The following DGKH variants were observed in gnomAD, a reference collection of about 807,000 sequenced individuals.
The protein encoded by DGKH is DAG kinase eta.
In DGKH, 90 loss-of-function variants were observed where a neutral mutation model predicts 159.3. The ratio of observed to expected loss-of-function variants is 0.57; its 90% CI spans 0.48 to 0.67. The LOEUF is 0.67. Among genes scored for constraint, DGKH ranks in the 30% least tolerant of loss-of-function variants. The pLI is 0.00. For synonymous variants in DGKH, 536 were observed against 553.8 expected (o/e 0.97, Z 0.45); for missense variants, 1,181 against 1,506.1 (o/e 0.78, Z 3.57).
intron 25 of DGKH, 28 bp downstream of exon 25, chr13:42,214,640 C>A: frequency 6.2e-7 from 1 of 1,601,612 alleles, no homozygotes; most frequent in South Asian, 1.1e-5. Context: ...AATTCTCATT[C>A]CACAGATTCT....
At chr13:42,251,149 G>A (rs1958617283) in intron 29 of DGKH, among the ~76,000 whole-genome samples, 1 of 152,154 alleles carries the variant, frequency 6.6e-6, no homozygotes, top group Admixed American at 6.5e-5. Flanking sequence ...ACCGAGATTA[G>A]TGAAAAATTT....
rs1880992352 is a variant in DGKH at position 42,048,836 on chromosome 13, C to T, written c.63C>T (p.Ala21=). 2.1e-5 allele frequency: 28 copies of T among 1,347,222 alleles called. No individual in the cohort carries two copies. Among genetic ancestry groups the T allele is most frequent in the Admixed American group, 3.9e-5 (1 of 25,764 alleles). 83.5% of individuals were successfully genotyped at this position (1,347,222 alleles called of 1,614,324 possible). A position where few individuals can be genotyped will look rare whatever the true frequency, so the allele number is the denominator to read the frequency against. ...PGAAGGAAAG[A]GAAVTSAAAS... ...CCGCTGGAGGAGCGGCCGCCGGAGC[C>T]GGCGCCGCGGTCACCTCCGCCGCTG... The change falls in exon 1 of 30, where the codon GCC becomes GCT. Residue 21 remains alanine, a synonymous_variant. Transcript: ENST00000337343. This position sits in a 1 kb window ranked among gnomAD's most constrained non-coding sequence, Gnocchi z 6.7.
At chr13:42,135,386 C>T in intron 3 of DGKH, among the ~76,000 whole-genome samples, 1 of 150,100 alleles carries the variant, frequency 6.7e-6, no homozygotes, top group East Asian at 2.0e-4. Flanking sequence ...GTAGTCAAAG[C>T]TACTCAGGAG....
chr13:42,220,018 A>T (rs74818899), intron 28 of DGKH, among the ~76,000 whole-genome samples: 1 of 152,170 alleles, frequency 6.6e-6, no homozygotes, highest in African/African-American at 2.4e-5. Context: ...CCTAAAACAC[A>T]TCTGAGTATC....
chr13:42,200,235 T>G (rs991243989), intron 20 of DGKH, among the ~76,000 whole-genome samples: 1 of 152,210 alleles, frequency 6.6e-6, no homozygotes, highest in Non-Finnish European at 1.5e-5. Flanking sequence ...CTGACCCAAT[T>G]CTGTAATAAC....
chr13:42,192,507 A>G (rs1254206187), intron 16 of DGKH, among the ~76,000 whole-genome samples: 1 of 152,156 alleles, frequency 6.6e-6, no homozygotes, highest in South Asian at 2.1e-4. Flanking sequence ...TGTATCAAAG[A>G]GGACTCTGAC....
intron 16 of DGKH, 27 bp from the exon 17 acceptor site, chr13:42,194,858 T>C (rs748610666): frequency 6.2e-7 from 1 of 1,603,030 alleles, no homozygotes; most frequent in Non-Finnish European, 8.5e-7. Context: ...TCATTATCTC[T>C]TTTTAATCTG....
At chr13:42,193,567 A>G (rs963587057) in intron 16 of DGKH, among the ~76,000 whole-genome samples, 2 of 152,176 alleles carry the variant, frequency 1.3e-5, no homozygotes, top group Non-Finnish European at 2.9e-5. Flanking sequence ...GATTGATGAG[A>G]TGCTTTATTT....
At chr13:42,189,749 G>A (rs961443795) in intron 15 of DGKH, among the ~76,000 whole-genome samples, 2 of 152,006 alleles carry the variant, frequency 1.3e-5, no homozygotes, top group East Asian at 1.9e-4. Context: ...TCACTGCAAC[G>A]TCCACCTCCC....
rs1374566188 is a variant in DGKH at position 42,253,545 on chromosome 13, C to G, written n.4127+1064C>G. ...ATTTTGCTATAGCAGCCTAAATGAA[C>G]TAAGACACTTCAGGTGCTGCCCTTT... On this transcript the variant is annotated intron_variant and non_coding_transcript_variant, in intron 30 of 30. Coordinates refer to the DGKH transcript ENST00000498255. Among the ~76,000 whole-genome samples, 4 of 152,224 alleles carry G rather than the reference C, an allele frequency of 2.6e-5. No homozygotes were observed. The East Asian group carries it at 7.7e-4, about 29-fold the overall frequency.
intron 1 of DGKH, among the ~76,000 whole-genome samples, chr13:42,057,828 G>A (rs1054245189): frequency 2.6e-5 from 4 of 152,156 alleles, no homozygotes; most frequent in Non-Finnish European, 1.5e-5. Flanking sequence ...ATAGAGCATG[G>A]CTGTGAGTGG....
At chr13:42,159,441 T>C in intron 6 of DGKH, 69 bp downstream of exon 6, 1 of 1,116,198 alleles carries the variant, frequency 9.0e-7, no homozygotes, top group Non-Finnish European at 1.4e-6. Flanking sequence ...TTGTGGAAGC[T>C]GAGAAAGATA....
At chr13:42,046,343 T>G (rs894873151), upstream of DGKH, among the ~76,000 whole-genome samples, 1 of 152,198 alleles carries the variant, frequency 6.6e-6, no homozygotes, top group African/African-American at 2.4e-5. Context: ...GAAGGTGAAG[T>G]ACATTGCAGG....
intron 1 of DGKH, among the ~76,000 whole-genome samples, chr13:42,083,931 G>C (rs1304747883): frequency 6.6e-6 from 1 of 152,138 alleles, no homozygotes; most frequent in African/African-American, 2.4e-5. Flanking sequence ...AACGACACGG[G>C]GATGGGCAGC....
chr13:42,256,101 T>A lies in DGKH; in HGVS notation n.4128-183T>A, dbSNP rs919686413. The A allele has an allele frequency of 5.8e-6, 7 of 1,206,116 alleles. No individual in the cohort carries two copies. The East Asian group carries it at 1.6e-4, about 28-fold the overall frequency. The allele number at this position is 1,206,116 out of a possible 1,614,324, so 74.7% of individuals were successfully genotyped here. A position where few individuals can be genotyped will look rare whatever the true frequency, so the allele number is the denominator to read the frequency against. On this transcript the variant is annotated intron_variant and non_coding_transcript_variant, in intron 30 of 30. Transcript: ENST00000498255. Reference sequence around the variant, plus strand: ...CCTGAAAATGAACCAGGAAGTAGTATCATGCCAGGCAAGGTGAACCCTACT... The same window carrying A: ...CCTGAAAATGAACCAGGAAGTAGTAACATGCCAGGCAAGGTGAACCCTACT...
Position 42,127,488 on chromosome 13 carries a change from T to G in DGKH, c.218T>G (p.Leu73Trp), listed in dbSNP as rs1392933212. 6.2e-7 allele frequency: 1 copy of G among 1,613,804 alleles called. No individual in the cohort carries two copies. Among genetic ancestry groups the G allele is most frequent in the Non-Finnish European group, 8.5e-7 (1 of 1,179,760 alleles). The change falls in exon 2 of 30, where the codon TTG becomes TGG. Residue 73 changes from leucine (L) to tryptophan (W), a missense_variant. Physicochemically the swap from Leu to Trp is moderately conservative, Grantham distance 61. Around this residue, in one of 5 missense-constraint regions of DGKH, gnomAD observed 136 missense variants for 132.2 expected, o/e 1.03. Transcript: ENST00000337343. The part of the protein sequence containing the change: ...TKTSIKEGQL[L>W]KQTSSFQRWK... Reference sequence around the variant, plus strand: ...ACCAGTATTAAAGAGGGACAGCTATTGAAGCAAACCAGTTCTTTCCAAAGG... The same window carrying G: ...ACCAGTATTAAAGAGGGACAGCTATGGAAGCAAACCAGTTCTTTCCAAAGG...
chr13:42,065,089 A>C (rs1882464949), intron 1 of DGKH, among the ~76,000 whole-genome samples: 1 of 152,230 alleles, frequency 6.6e-6, no homozygotes, highest in South Asian at 2.1e-4. Flanking sequence ...CGTATTCAGG[A>C]ATCTTGACGT....
intron 1 of DGKH, among the ~76,000 whole-genome samples, chr13:42,064,045 G>A (rs918422195): frequency 2.0e-5 from 3 of 152,106 alleles, no homozygotes; most frequent in Non-Finnish European, 4.4e-5. Context: ...CTGGAGCAAT[G>A]TCCTTATATA....
At chr13:42,185,801 A>G (rs570229024) in intron 13 of DGKH, among the ~76,000 whole-genome samples, 1 of 152,350 alleles carries the variant, frequency 6.6e-6, no homozygotes, top group East Asian at 1.9e-4. Flanking sequence ...AGTAAATGAT[A>G]AGCTAGATTC....
Sources: gnomAD v4.1 joint callset for allele counts (sites outside exome capture counted in the v4.1 genomes callset) on GRCh38, gnomAD v4.1.1 for gene constraint, gnomAD v4.1.1 regional missense constraint, Gnocchi (gnomAD v3.1) non-coding constraint, MANE v1.5 for transcripts, NCBI Gene and HGNC (gene_info 2026-07-23, HGNC 2026-07-21) for gene names.